Variants in ATG16L1 observed in about 807,000 individuals in gnomAD.
ATG16L1 encodes autophagy-related protein 16-1.
ATG16L1 carries 37 observed loss-of-function variants against 88.5 expected under a neutral mutation model. The observed-to-expected ratio is 0.42, with a 90% CI of 0.32 to 0.55. The LOEUF (loss-of-function observed/expected upper bound fraction) is 0.55. Among genes scored for constraint, ATG16L1 ranks in the 20% least tolerant of loss-of-function variants. The pLI, the probability that ATG16L1 is intolerant of heterozygous loss-of-function variation, is 0.13. For synonymous variants in ATG16L1, 301 were observed against 281.0 expected, an observed-to-expected ratio of 1.07 and a Z score of -0.71; for missense variants, 554 against 752.8, an observed-to-expected ratio of 0.74 and a Z score of 3.09.
intron 6 of ATG16L1, among the ~76,000 whole-genome samples, chr2:233,271,980 T>G (rs2125244773): frequency 6.6e-6 from 1 of 152,358 alleles, no homozygotes; most frequent in East Asian, 1.9e-4. Flanking sequence ...GGAAAATAAA[T>G]TTACTTTGAC....
intron 5 of ATG16L1, among the ~76,000 whole-genome samples, chr2:233,266,405 G>T (rs1382631399): frequency 6.6e-6 from 1 of 152,172 alleles, no homozygotes; most frequent in African/African-American, 2.4e-5. Context: ...GCAACAGTGA[G>T]CCAAAGTTGT....
chr2:233,286,009 TG>T (rs1333018607), intron 12 of ATG16L1, among the ~76,000 whole-genome samples: 1 of 152,158 alleles, frequency 6.6e-6, no homozygotes, highest in Non-Finnish European at 1.5e-5. Context: ...CCTGGCTGCT[TG>T]GTAAGATTTG....
chr2:233,277,997 G>A (rs572085183), intron 10 of ATG16L1, among the ~76,000 whole-genome samples: 2 of 152,288 alleles, frequency 1.3e-5, no homozygotes, highest in South Asian at 4.1e-4. Flanking sequence ...TTGCAAAATA[G>A]TACCGTTTTT....
chr2:233,277,345 T>C lies in ATG16L1; in HGVS notation c.955-223T>C, dbSNP rs1231266464. On this transcript the variant is annotated intron_variant, in intron 9 of 17. Coordinates refer to ENST00000392017, the MANE Select transcript of ATG16L1 (RefSeq NM_030803.7). ...CAGTCTACACAGATTTTGAGTACTT[T>C]TTGAGAAGGTTGCACTGCACTCTAA... 15 of 442,600 alleles carry C rather than the reference T, an allele frequency of 3.4e-5. No individual in the cohort carries two copies. In the Admixed American group the frequency reaches 5.1e-4, roughly 15 times the overall value. 27.4% of individuals were successfully genotyped at this position (442,600 alleles called of 1,614,324 possible).
At chr2:233,275,371 G>A (rs2125253606) in intron 9 of ATG16L1, 1 of 249,796 alleles carries the variant, frequency 4.0e-6, no homozygotes, top group Non-Finnish European at 8.0e-6. Context: ...ACCTGGCTCA[G>A]AACTGTCAAA....
chr2:233,277,479 C>G lies in ATG16L1; in HGVS notation c.955-89C>G, dbSNP rs1386866460. The G allele has an allele frequency of 2.5e-6, 3 of 1,193,178 alleles. No homozygotes were observed. The African/African-American group carries it at 4.5e-5, about 18-fold the overall frequency. The allele number at this position is 1,193,178 out of a possible 1,614,324, so 73.9% of individuals were successfully genotyped here. The stretch of plus-strand genomic sequence containing the variant: ...CACCTGTCTTTAAGGATGAGTGTTT[C>G]CCCATGAATTAGGCATTTGGAGTGT... On this transcript the variant is annotated intron_variant, in intron 9 of 17. Transcript: ENST00000392017.
chr2:233,270,721 A>G (rs1371643935), intron 6 of ATG16L1, among the ~76,000 whole-genome samples: 2 of 152,228 alleles, frequency 1.3e-5, no homozygotes, highest in Non-Finnish European at 2.9e-5. Flanking sequence ...TCTTGGAACA[A>G]AAGGAATCAA....
At chr2:233,272,732 CTT>C (rs1228950763) in intron 6 of ATG16L1, among the ~76,000 whole-genome samples, 1 of 152,216 alleles carries the variant, frequency 6.6e-6, no homozygotes, top group African/African-American at 2.4e-5. Context: ...CAAAAGCTCA[CTT>C]TTAAATTTAT....
chr2:233,293,757 CTTCT>C (rs1321692426), intron 17 of ATG16L1, among the ~76,000 whole-genome samples: 5 of 151,770 alleles, frequency 3.3e-5, no homozygotes, highest in African/African-American at 1.2e-4. Flanking sequence ...CTCCACACAC[CTTCT>C]TTTATCTTCC....
chr2:233,264,859 G>A (rs1195633339), intron 4 of ATG16L1, 33 bp from the exon 5 acceptor site: 6 of 1,611,588 alleles, frequency 3.7e-6, no homozygotes, highest in Non-Finnish European at 5.1e-6. Context: ...GCTCTGGCGA[G>A]GTACTATTCG....
intron 14 of ATG16L1, 150 bp from the exon 15 acceptor site, chr2:233,291,978 T>C: frequency 1.2e-6 from 1 of 847,266 alleles, no homozygotes; most frequent in South Asian, 1.7e-5. Flanking sequence ...AGAAAAGCAG[T>C]CACAGGTTAT....
At chr2:233,293,139 G>A in intron 16 of ATG16L1, 117 bp from the exon 17 acceptor site, 1 of 866,340 alleles carries the variant, frequency 1.2e-6, no homozygotes. Context: ...TGAGGTCTGG[G>A]TACACAGGAG....
rs202097265 is a variant in ATG16L1, at chr2:233,264,943, C to T, written c.441C>T (p.Asp147=). The change falls in exon 5 of 18, where the codon GAC becomes GAT. Residue 147 remains aspartate, a synonymous_variant. Coordinates refer to ENST00000392017, the MANE Select transcript of ATG16L1 (RefSeq NM_030803.7). ...TISDLETECL[D]LRTKLCDLER... ...CTGACCTGGAGACGGAGTGCCTAGA[C>T]CTGCGCACTAAGCTTTGTGACCTTG... 6.4e-5 allele frequency: 104 copies of T among 1,613,932 alleles called. No individual in the cohort carries two copies. Among genetic ancestry groups the T allele is most frequent in the Non-Finnish European group, 8.4e-5 (99 of 1,179,958 alleles).
chr2:233,282,133 G>C (rs1261489104), intron 11 of ATG16L1, among the ~76,000 whole-genome samples: 1 of 152,210 alleles, frequency 6.6e-6, no homozygotes, highest in Non-Finnish European at 1.5e-5. Flanking sequence ...TTTTAGAAAT[G>C]GGTATGGTGT....
chr2:233,270,023 G>C lies in ATG16L1; in HGVS notation c.663G>C (p.Gln221His), dbSNP rs960140288. Residue 221 changes from glutamine to histidine, a missense_variant, in exon 6 of 18, where the codon CAG (glutamine) becomes CAC (histidine). Gln to His is a conservative substitution (Grantham distance 24). This residue lies in a region of ATG16L1 where 370 missense variants were observed against 509.7 expected (regional missense o/e 0.73). Transcript: ENST00000392017. ...ACAGGAGGCGGCAAGCCCGGCTGCA[G>C]AAAGAGCTTGCAGAAGCAGCAAAGG... ...KDSRRRQARL[Q>H]KELAEAAKEP... is the part of the protein sequence containing the mutation. 4 of 1,581,208 alleles carry C rather than the reference G, an allele frequency of 2.5e-6. No individual in the cohort carries two copies. The highest frequency in any genetic ancestry group is 3.4e-6 in the Non-Finnish European group (4 of 1,166,758).
chr2:233,262,569 C>T (rs540207598), intron 2 of ATG16L1, among the ~76,000 whole-genome samples: 3 of 152,356 alleles, frequency 2.0e-5, no homozygotes, highest in Admixed American at 2.0e-4. Flanking sequence ...GCTGCTGCTC[C>T]TTCTGCCCAG....
In ATG16L1 at chr2:233,292,497, C is replaced by G. The variant is rs184326158; in HGVS notation, c.1628+63C>G. 2.5e-6 allele frequency: 4 copies of G among 1,603,056 alleles called. No individual in the cohort carries two copies. The South Asian group carries it at 3.3e-5, about 13-fold the overall frequency. On this transcript the variant is annotated intron_variant, in intron 16 of 17. Coordinates refer to ENST00000392017, the MANE Select transcript of ATG16L1 (RefSeq NM_030803.7). ...ACAAAGAGTCCTGCATGGGCATTTT[C>G]CCACTGGGGATATAGAGCTAAATTT...
rs370284875 is a variant in ATG16L1 at position 233,259,867 on chromosome 2, CTTTG to C, written c.210-3259_210-3256del. Among the ~76,000 whole-genome samples the C allele has an allele frequency of 6.0e-3, 908 of 152,268 alleles. 9 individuals carry two copies. Among genetic ancestry groups the C allele is most frequent in the African/African-American group, 0.021 (854 of 41,546 alleles). The stretch of plus-strand genomic sequence containing the variant: ...TGGTTTGCATTTATTTTGCCACCTC[CTTTG>C]TTTATTTATCTTCTTATTCCCAGAC... On this transcript the variant is annotated intron_variant, in intron 2 of 17. Transcript: ENST00000392017.
At position 233,251,804 on chromosome 2, in the gene ATG16L1, T is replaced by C. The variant is rs1233067595; in HGVS notation, c.-24T>C. 1.3e-6 allele frequency: 2 copies of C among 1,545,950 alleles called. No homozygotes were observed. Among genetic ancestry groups the C allele is most frequent in the Middle Eastern group, 1.8e-4 (1 of 5,502 alleles). ...CAGCCCTCGCTCGCATTGGTGGCGC[T>C]GAGGTGCCGGGGCAGCAAGTGACAT... On this transcript the variant is annotated 5_prime_UTR_variant, in exon 1 of 18. An upstream open reading frame in the 5' UTR loses its in-frame stop. Coordinates refer to ENST00000392017, the MANE Select transcript of ATG16L1 (RefSeq NM_030803.7).
Sources: gnomAD v4.1 joint callset for allele counts (sites outside exome capture counted in the v4.1 genomes callset) on GRCh38, gnomAD v4.1.1 for gene constraint, gnomAD v4.1.1 regional missense constraint, MANE v1.5 for transcripts, NCBI Gene and HGNC (gene_info 2026-07-23, HGNC 2026-07-21) for gene names.